The following DYNC1I1 variants were observed in gnomAD, a reference collection of about 807,000 sequenced individuals.
DYNC1I1 encodes the protein cytoplasmic dynein 1 intermediate chain 1.
DYNC1I1 carries 43 observed loss-of-function variants against 86.6 expected under a neutral mutation model. The observed-to-expected ratio is 0.50, with a 90% confidence interval of 0.39 to 0.64. DYNC1I1 has a LOEUF of 0.64. Ranked by LOEUF, DYNC1I1 falls within the 30% of genes least tolerant of loss-of-function variation. The pLI is 0.00. For missense variants in DYNC1I1, 604 were observed against 788.8 expected, an observed-to-expected ratio of 0.77 and a Z score of 2.81; for synonymous variants, 262 against 283.7, an observed-to-expected ratio of 0.92 and a Z score of 0.77.
chr7:95,786,892 A>G (rs1425265711), intron 1 of DYNC1I1, among the ~76,000 whole-genome samples: 2 of 152,144 alleles, frequency 1.3e-5, no homozygotes, highest in South Asian at 2.1e-4. Flanking sequence ...GTATATGGAC[A>G]TGTGTGTGGG....
intron 14 of DYNC1I1, among the ~76,000 whole-genome samples, chr7:96,044,540 T>C (rs1040308476): frequency 6.6e-6 from 1 of 151,796 alleles, no homozygotes; most frequent in Non-Finnish European, 1.5e-5. Context: ...AGAAAATCTG[T>C]AAGTGTAAGG....
At chr7:95,934,173 C>T (rs961146216) in intron 6 of DYNC1I1, among the ~76,000 whole-genome samples, 1 of 152,132 alleles carries the variant, frequency 6.6e-6, no homozygotes, top group African/African-American at 2.4e-5. Context: ...AAACAACCAA[C>T]CATGGCCCCC....
chr7:96,076,029 A>G (rs1185444699), intron 14 of DYNC1I1, 28 bp from the exon 15 acceptor site: 1 of 1,605,778 alleles, frequency 6.2e-7, no homozygotes, highest in Non-Finnish European at 8.5e-7. Context: ...CAGCGCCACA[A>G]AGTCTTCACG....
chr7:96,108,174 A>G (rs902258868), intron 16 of DYNC1I1, among the ~76,000 whole-genome samples: 8 of 152,098 alleles, frequency 5.3e-5, no homozygotes, highest in African/African-American at 1.9e-4. Flanking sequence ...GTTGTCAAAT[A>G]TCTTTTCTGA....
At chr7:96,090,606 G>A (rs1302703226) in intron 16 of DYNC1I1, among the ~76,000 whole-genome samples, 1 of 151,958 alleles carries the variant, frequency 6.6e-6, no homozygotes, top group Non-Finnish European at 1.5e-5. Context: ...GAGGTCTGAA[G>A]CTTCATGGGT....
chr7:95,871,486 T>C (rs1030993357), intron 6 of DYNC1I1, among the ~76,000 whole-genome samples: 1 of 152,140 alleles, frequency 6.6e-6, no homozygotes, highest in African/African-American at 2.4e-5. Context: ...AACCAAAACA[T>C]TTGTTTGACT....
At chr7:95,980,379 G>A (rs1023145478) in intron 7 of DYNC1I1, among the ~76,000 whole-genome samples, 9 of 151,316 alleles carry the variant, frequency 5.9e-5, no homozygotes, top group African/African-American at 1.5e-4. Context: ...TAATCGTGGC[G>A]CCATTCACAC....
At chr7:95,799,426 A>C (rs557973554) in intron 1 of DYNC1I1, among the ~76,000 whole-genome samples, 1 of 152,230 alleles carries the variant, frequency 6.6e-6, no homozygotes, top group South Asian at 2.1e-4. Flanking sequence ...GTATAATGGA[A>C]TAGCAGGAGA....
At position 95,913,295 on chromosome 7, in the gene DYNC1I1, A is replaced by G. The variant is rs1478037822; in HGVS notation, c.490+43297A>G. ...AGTGGTCCTGATCTAAAAATAGAACAGAGCTCTTGAGCGGAGGTGGGGGCA... is the reference window on the plus strand; with the variant it reads ...AGTGGTCCTGATCTAAAAATAGAACGGAGCTCTTGAGCGGAGGTGGGGGCA... On this transcript the variant is annotated intron_variant, in intron 6 of 16. Coordinates refer to ENST00000447467, the MANE Select transcript of DYNC1I1 (RefSeq NM_001135556.2). 2.6e-5 allele frequency among the ~76,000 whole-genome samples: 4 copies of G among 152,326 alleles called. No homozygotes were observed. In the East Asian group the frequency reaches 5.8e-4, roughly 22 times the overall value.
At chr7:95,989,268 C>T (rs1793672006) in intron 9 of DYNC1I1, among the ~76,000 whole-genome samples, 1 of 152,206 alleles carries the variant, frequency 6.6e-6, no homozygotes, top group South Asian at 2.1e-4. Flanking sequence ...CAACTAGACC[C>T]TCATCAGCAA....
chr7:95,964,682 G>A (rs1792962824), intron 6 of DYNC1I1, among the ~76,000 whole-genome samples: 1 of 152,166 alleles, frequency 6.6e-6, no homozygotes, highest in Admixed American at 6.5e-5. Flanking sequence ...TCAGATAGTA[G>A]TCAGTACTAT....
intron 4 of DYNC1I1, among the ~76,000 whole-genome samples, chr7:95,824,941 C>G (rs1258915360): frequency 6.6e-6 from 1 of 152,200 alleles, no homozygotes; most frequent in African/African-American, 2.4e-5. Flanking sequence ...AAGTTCCTTT[C>G]AAAAAATTTG....
intron 13 of DYNC1I1, 37 bp from the exon 14 acceptor site, chr7:96,039,240 G>T (rs777243932): frequency 2.5e-6 from 4 of 1,580,588 alleles, no homozygotes; most frequent in South Asian, 1.1e-5. Context: ...CTTTTCAGAG[G>T]TCACTGGAAT....
intron 10 of DYNC1I1, among the ~76,000 whole-genome samples, chr7:96,025,144 G>A (rs1175779938): frequency 1.3e-5 from 2 of 151,978 alleles, no homozygotes; most frequent in African/African-American, 4.8e-5. Context: ...CAAACATCAG[G>A]GTATGTAAAG....
chr7:95,900,437 A>G (rs1183181621), intron 6 of DYNC1I1, among the ~76,000 whole-genome samples: 2 of 152,112 alleles, frequency 1.3e-5, no homozygotes, highest in Non-Finnish European at 2.9e-5. Flanking sequence ...GATACAATAT[A>G]CACATTACTT....
downstream of DYNC1I1, among the ~76,000 whole-genome samples, chr7:96,100,650 T>TTGTGTGTATGTG (rs1791120129): frequency 7.0e-6 from 1 of 142,848 alleles, no homozygotes; most frequent in East Asian, 2.1e-4. Flanking sequence ...TTTGAGGGTT[T>TTGTGTGTATGTG]TGTGTGTGTG....
At chr7:95,845,581 A>G (rs1789403557) in intron 5 of DYNC1I1, among the ~76,000 whole-genome samples, 1 of 152,206 alleles carries the variant, frequency 6.6e-6, no homozygotes. Flanking sequence ...ATGCCAGTTG[A>G]ATTCTTTGAG....
At chr7:96,037,697 G>A (rs1788900702) in intron 13 of DYNC1I1, among the ~76,000 whole-genome samples, 2 of 152,010 alleles carry the variant, frequency 1.3e-5, no homozygotes, top group African/African-American at 2.4e-5. Context: ...TTGTTCTGTG[G>A]CTACTGTACT....
At chr7:96,043,113 G>A (rs182442889) in intron 14 of DYNC1I1, among the ~76,000 whole-genome samples, 1 of 147,862 alleles carries the variant, frequency 6.8e-6, no homozygotes, top group East Asian at 2.0e-4. Flanking sequence ...AGGTTGTAGT[G>A]AACCGAGATC....
Sources: allele counts gnomAD v4.1 joint callset (sites outside exome capture counted in the v4.1 genomes callset), GRCh38; gene constraint gnomAD v4.1.1; transcripts MANE v1.5; gene names NCBI Gene and HGNC (gene_info 2026-07-23, HGNC 2026-07-21).